Variants in RAD51AP1 observed in about 807,000 individuals in gnomAD.
RAD51AP1 encodes RAD51 associated protein 1.
In RAD51AP1, 14 loss-of-function variants were observed where a neutral mutation model predicts 34.3. The observed-to-expected ratio is 0.41, with a 90% CI of 0.27 to 0.64. RAD51AP1 has a LOEUF of 0.64. Among genes scored for constraint, RAD51AP1 ranks in the 30% least tolerant of loss-of-function variants. The pLI is 0.33. For synonymous variants in RAD51AP1, 114 were observed against 129.8 expected, an observed-to-expected ratio of 0.88 and a Z score of 0.83; for missense variants, 348 against 386.9, an observed-to-expected ratio of 0.90 and a Z score of 0.84.
intron 3 of RAD51AP1, 65 bp from the exon 4 acceptor site, chr12:4,546,244 A>G: frequency 8.2e-7 from 1 of 1,226,782 alleles, no homozygotes; most frequent in Non-Finnish European, 1.2e-6. Context: ...AGAAATCTCA[A>G]ACTTTGCTCT....
In RAD51AP1 at chr12:4,556,483, A is replaced by C; in HGVS notation, c.852A>C (p.Lys284Asn). 6.2e-7 allele frequency: 1 copy of C among 1,613,726 alleles called. No homozygotes were observed. The highest frequency in any genetic ancestry group is 8.5e-7 in the Non-Finnish European group (1 of 1,179,696). Residue 284 changes from lysine to asparagine, a missense_variant, in exon 8 of 9, where the codon AAA (lysine) becomes AAC (asparagine). By Grantham distance (94) the Lys-to-Asn change is moderately conservative. Transcript: ENST00000352618. ...GCAGTCCTTCAGCTGAAAGCAAGAA[A>C]CCTAAATGGGTCCCACCAGGTATGG... Reference protein sequence around the residue: ...EIRSPSAESKKPKWVPPAASG... With the variant: ...EIRSPSAESKNPKWVPPAASG...
intron 2 of RAD51AP1, 79 bp downstream of exon 2, chr12:4,542,012 A>G: frequency 1.1e-6 from 1 of 921,742 alleles, no homozygotes; most frequent in Non-Finnish European, 1.6e-6. Context: ...TATAGCTCAA[A>G]CACTGACTAA....
intron 7 of RAD51AP1, among the ~76,000 whole-genome samples, chr12:4,553,896 T>C (rs1010362447): frequency 6.6e-6 from 1 of 152,208 alleles, no homozygotes; most frequent in Non-Finnish European, 1.5e-5. Context: ...AGTTCCATTA[T>C]TTAGTCTTTC....
At chr12:4,551,861 A>G (rs923502998) in intron 6 of RAD51AP1, among the ~76,000 whole-genome samples, 3 of 152,010 alleles carry the variant, frequency 2.0e-5, no homozygotes, top group African/African-American at 7.2e-5. Flanking sequence ...AGATGAAACA[A>G]ATGGAGCAAA....
At position 4,546,294 on chromosome 12, in the gene RAD51AP1, G is replaced by A. The variant is rs1416325828; in HGVS notation, c.210-15G>A. ...TATTTTGAAGAACTCATTATTACTT[G>A]TGTATCTATTTTAGGATGGCTTTAG... On this transcript the variant is annotated splice_polypyrimidine_tract_variant and intron_variant, in intron 3 of 8. Transcript: ENST00000352618. The A allele has an allele frequency of 6.6e-7, 1 of 1,523,196 alleles. No homozygotes were observed. The highest frequency in any genetic ancestry group is 1.2e-5 in the South Asian group (1 of 85,542). 94.4% of individuals were successfully genotyped at this position (1,523,196 alleles called of 1,614,324 possible).
intron 5 of RAD51AP1, 48 bp from the exon 6 acceptor site, chr12:4,548,639 T>C: frequency 1.3e-6 from 2 of 1,582,576 alleles, no homozygotes; most frequent in Non-Finnish European, 1.7e-6. Flanking sequence ...TCTTGAAATA[T>C]CAGTTGTCAC....
At chr12:4,544,129 G>A (rs1401417329) in intron 3 of RAD51AP1, among the ~76,000 whole-genome samples, 2 of 151,846 alleles carry the variant, frequency 1.3e-5, no homozygotes, top group Non-Finnish European at 2.9e-5. Context: ...AATAATGATT[G>A]TAGAATTCAG....
intron 6 of RAD51AP1, 63 bp from the exon 7 acceptor site, chr12:4,552,920 A>G (rs751433288): frequency 2.9e-5 from 41 of 1,412,194 alleles, no homozygotes; most frequent in Non-Finnish European, 3.4e-5. Context: ...CTGTGGATAA[A>G]GTTAAGGCAA....
chr12:4,545,344 A>G (rs1201718502), intron 3 of RAD51AP1: 3 of 359,378 alleles, frequency 8.3e-6, no homozygotes, highest in African/African-American at 6.4e-5. Flanking sequence ...TTTGCATGAA[A>G]TGTCCAGAAT....
intron 1 of RAD51AP1, among the ~76,000 whole-genome samples, chr12:4,540,080 T>G (rs914301867): frequency 5.3e-5 from 8 of 152,122 alleles, no homozygotes; most frequent in African/African-American, 1.7e-4. Context: ...GGAGGCACTG[T>G]GGACAGAACT....
At position 4,559,248 on chromosome 12, in the gene RAD51AP1, G is replaced by A. The variant is rs1391293741; in HGVS notation, c.*255G>A. 4 of 339,902 alleles carry A rather than the reference G, an allele frequency of 1.2e-5. No individual in the cohort carries two copies. Among genetic ancestry groups the A allele is most frequent in the African/African-American group, 2.1e-5 (1 of 46,734 alleles). The allele number at this position is 339,902 out of a possible 1,614,324, so 21.1% of individuals were successfully genotyped here. ...GCGTATTCTGTTTTTCTATCAGTTC[G>A]ACATGAAGTCCACATCACATGCTGT... On this transcript the variant is annotated 3_prime_UTR_variant, in exon 9 of 9. Coordinates refer to ENST00000352618, the MANE Select transcript of RAD51AP1 (RefSeq NM_006479.5).
Position 4,548,192 on chromosome 12 carries a change from A to G in RAD51AP1, c.406+14A>G. Reference sequence around the variant, plus strand: ...GTGATTATTTAGGTAAGTTTTTTATATTAATAATTTTTCTCATCAACAATG... The same window carrying G: ...GTGATTATTTAGGTAAGTTTTTTATGTTAATAATTTTTCTCATCAACAATG... On this transcript the variant is annotated intron_variant, in intron 5 of 8. Transcript: ENST00000352618. 1 of 1,584,952 alleles carries G rather than the reference A, an allele frequency of 6.3e-7. No homozygotes were observed. Among genetic ancestry groups the G allele is most frequent in the Admixed American group, 1.9e-5 (1 of 51,798 alleles).
At chr12:4,542,433 T>C (rs1430579654) in intron 2 of RAD51AP1, among the ~76,000 whole-genome samples, 1 of 152,248 alleles carries the variant, frequency 6.6e-6, no homozygotes, top group African/African-American at 2.4e-5. Flanking sequence ...GGATTTAATA[T>C]TTCTTTCTTA....
intron 4 of RAD51AP1, among the ~76,000 whole-genome samples, chr12:4,547,303 A>G (rs1473587118): frequency 6.6e-6 from 1 of 152,198 alleles, no homozygotes; most frequent in African/African-American, 2.4e-5. Flanking sequence ...GCCTCAAGCA[A>G]TCCTCCTGCC....
chr12:4,557,983 G>T (rs546176247), intron 8 of RAD51AP1, among the ~76,000 whole-genome samples: 31 of 151,558 alleles, frequency 2.0e-4, no homozygotes, highest in African/African-American at 5.8e-4. Context: ...GATTTTTTTT[G>T]TTGTTGTTGT....
chr12:4,542,033 T>TAGATCGGAAGA, intron 2 of RAD51AP1, 100 bp downstream of exon 2: 1 of 608,390 alleles, frequency 1.6e-6, no homozygotes, highest in Non-Finnish European at 2.7e-6. Flanking sequence ...ATTGCCCAAA[T>TAGATCGGAAGA]GCATATGAGG....
At chr12:4,551,594 CTGCTT>C (rs1427842844) in intron 6 of RAD51AP1, among the ~76,000 whole-genome samples, 11 of 151,620 alleles carry the variant, frequency 7.3e-5, no homozygotes, top group African/African-American at 2.7e-4. Flanking sequence ...ATTGACTCAA[CTGCTT>C]CAGCAAGTCA....
Position 4,547,996 on chromosome 12 carries a change from T to C in RAD51AP1, c.320-96T>C, listed in dbSNP as rs115871288. On this transcript the variant is annotated intron_variant, in intron 4 of 8. Transcript: ENST00000352618. ...CAGTTGGAGTTTGGGATCATTTATT[T>C]ATATCTAAATGCTATTACATTTTAG... The C allele has an allele frequency of 4.4e-4, 550 of 1,245,866 alleles. 1 individual carries two copies. In the African/African-American group the frequency reaches 7.7e-3, roughly 17 times the overall value. 77.2% of individuals were successfully genotyped at this position (1,245,866 alleles called of 1,614,324 possible). A position where few individuals can be genotyped will look rare whatever the true frequency, so the allele number is the denominator to read the frequency against.
At chr12:4,551,123 G>A (rs905380320) in intron 6 of RAD51AP1, among the ~76,000 whole-genome samples, 22 of 151,820 alleles carry the variant, frequency 1.4e-4, no homozygotes, top group Admixed American at 2.0e-4. Context: ...TATTCTTGCC[G>A]TCCCTCCTCC....
Sources: gnomAD v4.1 joint callset for allele counts (sites outside exome capture counted in the v4.1 genomes callset) on GRCh38, gnomAD v4.1.1 for gene constraint, MANE v1.5 for transcripts, NCBI Gene and HGNC (gene_info 2026-07-23, HGNC 2026-07-21) for gene names.